The following GRID2 variants were observed in gnomAD, a reference collection of about 807,000 sequenced individuals.
The protein encoded by GRID2 is glutamate ionotropic receptor delta type subunit 2, also known as glutamate receptor ionotropic, delta-2.
Under a neutral mutation model 114.8 loss-of-function variants are expected in GRID2, and 33 were observed. The observed-to-expected ratio is 0.29, with a 90% CI of 0.22 to 0.38. The LOEUF is 0.38. Among genes scored for constraint, GRID2 ranks in the 10% least tolerant of loss-of-function variants. GRID2 has a pLI of 1.00. For missense variants in GRID2, 1,184 were observed against 1,257.7 expected (o/e 0.94, Z 0.89); for synonymous variants, 505 against 449.9 (o/e 1.12, Z -1.55).
intron 13 of GRID2, among the ~76,000 whole-genome samples, chr4:93,564,297 T>TTTTATTTA (rs549091021): frequency 0.019 from 2,904 of 151,944 alleles, 76 homozygotes; most frequent in East Asian, 0.14. Flanking sequence ...ATGGATGTCC[T>TTTTATTTA]TTTATTTATT....
At chr4:92,377,764 G>A (rs1318927821) in intron 1 of GRID2, among the ~76,000 whole-genome samples, 1 of 152,032 alleles carries the variant, frequency 6.6e-6, no homozygotes, top group African/African-American at 2.4e-5. Context: ...GAGAGCTTGT[G>A]CAAGGAAACC....
chr4:93,652,480 T>C (rs2149723488), intron 14 of GRID2, among the ~76,000 whole-genome samples: 1 of 152,228 alleles, frequency 6.6e-6, no homozygotes, highest in African/African-American at 2.4e-5. Context: ...CCTATCATTG[T>C]GTTACAATTG....
chr4:93,492,565 C>T (rs1328870337), intron 12 of GRID2, among the ~76,000 whole-genome samples: 2 of 151,704 alleles, frequency 1.3e-5, no homozygotes, highest in Non-Finnish European at 2.9e-5. Flanking sequence ...TCCAAATCCT[C>T]AACTGGTCTG....
intron 2 of GRID2, among the ~76,000 whole-genome samples, chr4:92,846,311 G>C (rs1244751875): frequency 6.6e-6 from 1 of 151,762 alleles, no homozygotes; most frequent in Non-Finnish European, 1.5e-5. Context: ...TTGAGTCTTT[G>C]GCCCCCTTCA....
chr4:93,119,675 C>A (rs1173592559), intron 4 of GRID2, among the ~76,000 whole-genome samples: 2 of 151,960 alleles, frequency 1.3e-5, no homozygotes, highest in African/African-American at 4.8e-5. Flanking sequence ...TTGTACTATA[C>A]CCTAGGTTCA....
At chr4:93,132,154 G>T (rs533196681) in intron 4 of GRID2, among the ~76,000 whole-genome samples, 82 of 152,298 alleles carry the variant, frequency 5.4e-4, no homozygotes, top group African/African-American at 2.0e-3. Flanking sequence ...CCGGGATGTT[G>T]CACTATTTTT....
At chr4:93,440,577 T>C (rs1056449713) in intron 10 of GRID2, among the ~76,000 whole-genome samples, 6 of 152,196 alleles carry the variant, frequency 3.9e-5, no homozygotes, top group South Asian at 4.1e-4. Flanking sequence ...GATATGCATA[T>C]AGGATGAAAC....
intron 2 of GRID2, among the ~76,000 whole-genome samples, chr4:92,921,786 C>G (rs1484442755): frequency 6.6e-6 from 1 of 152,194 alleles, no homozygotes; most frequent in African/African-American, 2.4e-5. Context: ...TTAGGCTACT[C>G]AGGGGTCAGG....
intron 1 of GRID2, among the ~76,000 whole-genome samples, chr4:92,471,117 A>G (rs1250258229): frequency 1.3e-5 from 2 of 152,026 alleles, no homozygotes; most frequent in Non-Finnish European, 1.5e-5. Flanking sequence ...TTTTGTATAT[A>G]TGAGCATCAT....
intron 2 of GRID2, among the ~76,000 whole-genome samples, chr4:92,729,447 T>C (rs1736224778): frequency 6.6e-6 from 1 of 152,056 alleles, no homozygotes; most frequent in Admixed American, 6.6e-5. Context: ...TTGATTTTGA[T>C]TGATAATTTT....
chr4:93,463,095 TTC>T (rs1723907088), intron 11 of GRID2, among the ~76,000 whole-genome samples: 1 of 152,200 alleles, frequency 6.6e-6, no homozygotes, highest in African/African-American at 2.4e-5. Context: ...CCAAAATGCA[TTC>T]TGAGTGCTGT....
intron 2 of GRID2, among the ~76,000 whole-genome samples, chr4:92,995,874 G>A (rs1212047656): frequency 1.3e-5 from 2 of 151,886 alleles, no homozygotes; most frequent in South Asian, 2.1e-4. Flanking sequence ...TGATTTCTTG[G>A]TTTTGGAAGA....
chr4:92,831,707 G>A (rs753794965), intron 2 of GRID2, among the ~76,000 whole-genome samples: 1 of 151,790 alleles, frequency 6.6e-6, no homozygotes, highest in African/African-American at 2.4e-5. Context: ...TTAAAGTAAA[G>A]TTAGCTGGGG....
rs181304741 is a variant in GRID2, at chr4:93,579,190, A to C, written c.2194-47079A>C. Among the ~76,000 whole-genome samples, 1,042 of 152,238 alleles carry C rather than the reference A, an allele frequency of 6.8e-3. 36 individuals are homozygous for C. The highest frequency in any genetic ancestry group is 0.062 in the Admixed American group (955 of 15,296). On this transcript the variant is annotated intron_variant, in intron 13 of 15. Transcript: ENST00000282020. ...AAGTTTATTTTGTATGTGAACTGTC[A>C]GATTTGGAAGAATATTTCACAGACT...
chr4:93,039,634 C>T (rs1376973533), intron 2 of GRID2, among the ~76,000 whole-genome samples: 1 of 152,046 alleles, frequency 6.6e-6, no homozygotes, highest in Non-Finnish European at 1.5e-5. Flanking sequence ...CAGAGGGCAA[C>T]AGTGTCTATA....
intron 1 of GRID2, among the ~76,000 whole-genome samples, chr4:92,399,335 G>C (rs1173595491): frequency 1.3e-5 from 2 of 152,084 alleles, no homozygotes; most frequent in Non-Finnish European, 2.9e-5. Flanking sequence ...GATTCCTCAA[G>C]CAGTTCCCGT....
At position 93,574,091 on chromosome 4, in the gene GRID2, A is replaced by T. The variant is rs775414179; in HGVS notation, c.2194-52178A>T. Among the ~76,000 whole-genome samples the T allele has an allele frequency of 1.3e-5, 2 of 152,160 alleles. 1 individual carries two copies. The highest frequency in any genetic ancestry group is 2.9e-5 in the Non-Finnish European group (2 of 68,028). On this transcript the variant is annotated intron_variant, in intron 13 of 15. Coordinates refer to ENST00000282020, the MANE Select transcript of GRID2 (RefSeq NM_001510.4). ...TTACATTTGTATTTTCCATTTCAAC[A>T]TATGTTCAGAATAAAGGTTTGGGAT...
At chr4:93,443,730 C>G (rs1192890096) in intron 10 of GRID2, among the ~76,000 whole-genome samples, 3 of 151,226 alleles carry the variant, frequency 2.0e-5, no homozygotes, top group Non-Finnish European at 4.4e-5. Context: ...GAGTGCCTGG[C>G]TAAGAGCTTC....
At chr4:92,833,250 C>T (rs934562509) in intron 2 of GRID2, among the ~76,000 whole-genome samples, 1 of 152,124 alleles carries the variant, frequency 6.6e-6, no homozygotes, top group Admixed American at 6.6e-5. Context: ...CTGACATGGA[C>T]TTTAAGTAGT....
Sources: allele counts gnomAD v4.1 joint callset (sites outside exome capture counted in the v4.1 genomes callset), GRCh38; gene constraint gnomAD v4.1.1; transcripts MANE v1.5; gene names NCBI Gene and HGNC (gene_info 2026-07-23, HGNC 2026-07-21).